Variants in MROH7 observed in about 807,000 individuals in gnomAD.
MROH7 encodes maestro heat like repeat family member 7, also known as maestro heat-like repeat-containing protein family member 7.
MROH7 carries 113 observed loss-of-function variants against 129.2 expected under a neutral mutation model. The observed-to-expected ratio is 0.87, with a 90% CI of 0.75 to 1.02. MROH7 has a LOEUF of 1.02. MROH7 is among the 50% of genes least tolerant of loss of function. The pLI is 0.00. For missense variants in MROH7, 1,601 were observed against 1,671.3 expected (o/e 0.96, Z 0.73); for synonymous variants, 655 against 667.9 (o/e 0.98, Z 0.30).
intron 3 of MROH7, among the ~76,000 whole-genome samples, chr1:54,658,935 T>C (rs977608420): frequency 6.6e-6 from 1 of 152,202 alleles, no homozygotes; most frequent in African/African-American, 2.4e-5. Context: ...TTGCTGAATG[T>C]TCCATGGGGG....
intron 3 of MROH7, among the ~76,000 whole-genome samples, chr1:54,663,186 C>CATTTATTT (rs113806263): frequency 1.3e-5 from 2 of 151,800 alleles, no homozygotes; most frequent in East Asian, 1.9e-4. Context: ...TCAAACTTTC[C>CATTTATTT]ATTTATTTAT....
chr1:54,701,348 C>A, intron 19 of MROH7, 26 bp downstream of exon 19: 4 of 1,533,480 alleles, frequency 2.6e-6, no homozygotes, highest in Non-Finnish European at 3.5e-6. Flanking sequence ...AGCGAAGGAG[C>A]AGGAGGGATC....
At chr1:54,679,797 C>A (rs972045410) in intron 12 of MROH7, 94 bp from the exon 13 acceptor site, 3 of 1,257,208 alleles carry the variant, frequency 2.4e-6, no homozygotes, top group Admixed American at 3.6e-5. Flanking sequence ...TGTCCTCTAG[C>A]CTGTCACCCC....
At chr1:54,665,340 C>CT in intron 4 of MROH7, 100 bp downstream of exon 4, 2 of 772,230 alleles carry the variant, frequency 2.6e-6, no homozygotes, top group Non-Finnish European at 4.3e-6. Context: ...CCCCATGCCT[C>CT]TGCCCAGCTC....
chr1:54,679,001 C>T (rs1276723835), intron 11 of MROH7, 147 bp downstream of exon 11: 2 of 711,112 alleles, frequency 2.8e-6, no homozygotes, highest in East Asian at 5.4e-5. Context: ...GTGCCCTCCT[C>T]CTCCAGTCTG....
Position 54,673,767 on chromosome 1 carries a change from T to C in MROH7, c.1762T>C (p.Ser588Pro), listed in dbSNP as rs1456831233. ...ERARAVNTNV[S>P]VLNHMLLTLP... Reference sequence around the variant, plus strand: ...AGCACGGGCTGTGAACACCAATGTCTCTGTGTTGAACCACATGCTTCTAAC... The same window carrying C: ...AGCACGGGCTGTGAACACCAATGTCCCTGTGTTGAACCACATGCTTCTAAC... The change falls in exon 9 of 24, where the codon TCT becomes CCT. Residue 588 changes from serine (S) to proline (P), a missense_variant. By Grantham distance (74) the Ser-to-Pro change is moderately conservative. Transcript: ENST00000421030. 6.2e-7 allele frequency: 1 copy of C among 1,614,160 alleles called. No individual in the cohort carries two copies. Among genetic ancestry groups the C allele is most frequent in the South Asian group, 1.1e-5 (1 of 91,080 alleles).
chr1:54,665,065 T>G (rs1569890096), intron 3 of MROH7, 102 bp from the exon 4 acceptor site: 33 of 779,592 alleles, frequency 4.2e-5, no homozygotes, highest in Non-Finnish European at 4.3e-6. Context: ...TGGGGTGGGG[T>G]AAGGATTGGA....
At chr1:54,695,545 C>A in intron 17 of MROH7, 55 bp downstream of exon 17, 1 of 1,075,724 alleles carries the variant, frequency 9.3e-7, no homozygotes, top group African/African-American at 1.6e-5. Context: ...CCTCGGTTCA[C>A]GTCACTGGTC....
intron 15 of MROH7, among the ~76,000 whole-genome samples, chr1:54,690,679 G>A (rs1479605381): frequency 1.3e-5 from 2 of 152,066 alleles, no homozygotes; most frequent in Non-Finnish European, 2.9e-5. Context: ...TCCTGACCTC[G>A]TGATCCACCC....
At chr1:54,662,526 G>A (rs973367394) in intron 3 of MROH7, among the ~76,000 whole-genome samples, 2 of 150,694 alleles carry the variant, frequency 1.3e-5, no homozygotes, top group African/African-American at 4.9e-5. Flanking sequence ...AACAGAGTGA[G>A]ACTCCATTTC....
At chr1:54,699,187 C>CTCTTTCTT (rs750018105) in intron 17 of MROH7, 1 of 75,950 alleles carries the variant, frequency 1.3e-5, no homozygotes, top group African/African-American at 5.3e-5. Context: ...TTCTTTCTTT[C>CTCTTTCTT]TCTTTCTTTC....
At position 54,686,168 on chromosome 1, in the gene MROH7, C is replaced by G. The variant is rs375252374; in HGVS notation, c.2521-90C>G. On this transcript the variant is annotated intron_variant, in intron 14 of 23. Transcript: ENST00000421030. ...GCCAGAGGACAGCAAAGACCCAGAT[C>G]CTACCTCCCAGAGAGGCAGTCCAGG... The G allele has an allele frequency of 1.2e-5, 15 of 1,225,636 alleles. No homozygotes were observed. The South Asian group carries it at 2.0e-4, about 16-fold the overall frequency. The allele number at this position is 1,225,636 out of a possible 1,614,324, so 75.9% of individuals were successfully genotyped here. A position where few individuals can be genotyped will look rare whatever the true frequency, so the allele number is the denominator to read the frequency against.
At chr1:54,688,628 A>AATT (rs1389460142) in intron 15 of MROH7, among the ~76,000 whole-genome samples, 1 of 152,132 alleles carries the variant, frequency 6.6e-6, no homozygotes, top group African/African-American at 2.4e-5. Context: ...TGAAATGGAT[A>AATT]AATGATTCCT....
In MROH7 at chr1:54,652,851, A is replaced by G; in HGVS notation, c.-74-2A>G. The G allele has an allele frequency of 1.3e-6, 2 of 1,514,420 alleles. No homozygotes were observed. Among genetic ancestry groups the G allele is most frequent in the Admixed American group, 2.3e-5 (1 of 44,008 alleles). 93.8% of individuals were successfully genotyped at this position (1,514,420 alleles called of 1,614,324 possible). A position where few individuals can be genotyped will look rare whatever the true frequency, so the allele number is the denominator to read the frequency against. Reference sequence around the variant, plus strand: ...CTGCATTTGTCTTTTCTCTCTCTCAAGACTGCTGCTGGGAATGTGACAGTT... The same window carrying G: ...CTGCATTTGTCTTTTCTCTCTCTCAGGACTGCTGCTGGGAATGTGACAGTT... On this transcript the variant is annotated splice_acceptor_variant, in intron 2 of 23. Coordinates refer to ENST00000421030, the MANE Select transcript of MROH7 (RefSeq NM_001039464.4). LOFTEE classifies it low-confidence loss of function (5UTR_SPLICE).
At chr1:54,690,419 T>C (rs1033700226) in intron 15 of MROH7, among the ~76,000 whole-genome samples, 1 of 151,052 alleles carries the variant, frequency 6.6e-6, no homozygotes, top group Admixed American at 6.6e-5. Context: ...GATGCAGTTC[T>C]GAGTTCAGAA....
Position 54,654,145 on chromosome 1 carries a change from G to C in MROH7, c.1219G>C (p.Gly407Arg). Residue 407 changes from glycine to arginine, a missense_variant, in exon 3 of 24, where the codon GGC becomes CGC. Coordinates refer to ENST00000421030, the MANE Select transcript of MROH7 (RefSeq NM_001039464.4). ...PAGKDAVTLQ[G>R]IPEGAFDEVT... is the part of the protein sequence containing the mutation. Reference sequence around the variant, plus strand: ...AGGCAAGGACGCCGTGACCTTGCAAGGCATCCCTGAGGGTAAGGCCAGGGC... The same window carrying C: ...AGGCAAGGACGCCGTGACCTTGCAACGCATCCCTGAGGGTAAGGCCAGGGC... 6.2e-7 allele frequency: 1 copy of C among 1,609,472 alleles called. No individual in the cohort carries two copies. Among genetic ancestry groups the C allele is most frequent in the Non-Finnish European group, 8.5e-7 (1 of 1,177,784 alleles).
intron 14 of MROH7, among the ~76,000 whole-genome samples, chr1:54,684,220 A>T (rs757637453): frequency 1.7e-4 from 26 of 152,236 alleles, no homozygotes; most frequent in Non-Finnish European, 3.2e-4. Flanking sequence ...AGGAGAGGGT[A>T]GTATTATCCC....
Position 54,654,004 on chromosome 1 carries a change from G to GT in MROH7, c.1078_1079insT (p.Ala360ValfsTer20). 1 of 1,614,252 alleles carries GT rather than the reference G, an allele frequency of 6.2e-7. No individual in the cohort carries two copies. Among genetic ancestry groups the GT allele is most frequent in the Non-Finnish European group, 8.5e-7 (1 of 1,180,050 alleles). ...GACGCTGAGCAGTCAGCAGGATGAT[G>GT]CCAAGGACAACAGCATCCACACTGT... On this transcript the variant is annotated frameshift_variant, in exon 3 of 24. Transcript: ENST00000421030. LOFTEE classifies it high-confidence loss of function.
chr1:54,706,779 A>G (rs1009789206), intron 22 of MROH7, among the ~76,000 whole-genome samples: 3 of 152,210 alleles, frequency 2.0e-5, no homozygotes, highest in African/African-American at 4.8e-5. Flanking sequence ...CAACCTTGGC[A>G]ACTGTATATG....
Sources: allele counts gnomAD v4.1 joint callset (sites outside exome capture counted in the v4.1 genomes callset), GRCh38; gene constraint gnomAD v4.1.1; transcripts MANE v1.5; gene names NCBI Gene and HGNC (gene_info 2026-07-23, HGNC 2026-07-21).